Variants in ITGA6 observed in about 807,000 individuals in gnomAD.
ITGA6 encodes the protein integrin alpha-6.
Under a neutral mutation model 133.6 loss-of-function variants are expected in ITGA6, and 63 were observed. The observed-to-expected ratio is 0.47, with a 90% CI of 0.38 to 0.58. ITGA6 has a LOEUF of 0.58. Among genes scored for constraint, ITGA6 ranks in the 20% least tolerant of loss-of-function variants. The pLI is 0.00. For missense variants in ITGA6, 1,068 were observed against 1,309.4 expected (o/e 0.82, Z 2.85); for synonymous variants, 434 against 482.0 (o/e 0.90, Z 1.30).
At chr2:172,480,407 A>C (rs1434743808) in intron 11 of ITGA6, among the ~76,000 whole-genome samples, 1 of 152,058 alleles carries the variant, frequency 6.6e-6, no homozygotes, top group Non-Finnish European at 1.5e-5. Flanking sequence ...GGTGGTTGTG[A>C]GGTGGTGGGT....
At chr2:172,445,586 T>C (rs1440464539) in intron 1 of ITGA6, among the ~76,000 whole-genome samples, 3 of 149,924 alleles carry the variant, frequency 2.0e-5, no homozygotes, top group African/African-American at 7.3e-5. Flanking sequence ...GAGGCGGAGC[T>C]TGCAGTGAGC....
chr2:172,497,650 T>G (rs1687184419), intron 23 of ITGA6, among the ~76,000 whole-genome samples: 1 of 152,212 alleles, frequency 6.6e-6, no homozygotes, highest in South Asian at 2.1e-4. Flanking sequence ...TGATAATTGC[T>G]GGAACAGGAT....
At chr2:172,438,826 T>C (rs1559114554) in intron 1 of ITGA6, among the ~76,000 whole-genome samples, 1 of 151,866 alleles carries the variant, frequency 6.6e-6, no homozygotes, top group Non-Finnish European at 1.5e-5. Flanking sequence ...AGTTTCCCTA[T>C]GGAAGACTAC....
intron 1 of ITGA6, among the ~76,000 whole-genome samples, chr2:172,432,433 C>G (rs1684140533): frequency 6.6e-6 from 1 of 152,202 alleles, no homozygotes; most frequent in Admixed American, 6.5e-5. Context: ...CTGCTAGCAC[C>G]TAGCATATGC....
In ITGA6 at chr2:172,427,793, C is replaced by G; in HGVS notation, c.5C>G (p.Ala2Gly). Residue 2 changes from alanine to glycine, a missense_variant, in exon 1 of 26, where the codon GCC (alanine) becomes GGC (glycine). By Grantham distance (60) the Ala-to-Gly change is moderately conservative. This residue lies in a region of ITGA6 where 142 missense variants were observed against 145.3 expected (regional missense o/e 0.98). Coordinates refer to ENST00000684293, the MANE Select transcript of ITGA6 (RefSeq NM_000210.4). M[A>G]AAGQLCLLYL... is the part of the protein sequence containing the mutation. ...CCCCTCCCCGTGCGTCCGCCCATGG[C>G]CGCCGCCGGGCAGCTGTGCTTGCTC... The G allele has an allele frequency of 6.3e-7, 1 of 1,593,152 alleles. No homozygotes were observed. The highest frequency in any genetic ancestry group is 8.5e-7 in the Non-Finnish European group (1 of 1,171,426).
intron 1 of ITGA6, among the ~76,000 whole-genome samples, chr2:172,459,748 G>T (rs764045071): frequency 1.3e-5 from 2 of 152,180 alleles, no homozygotes; most frequent in African/African-American, 4.8e-5. Flanking sequence ...TTCAAACAAG[G>T]GGGAACATCA....
intron 5 of ITGA6, chr2:172,472,938 TA>T (rs2149046150): frequency 1.6e-6 from 2 of 1,255,216 alleles, no homozygotes; most frequent in Admixed American, 1.7e-5. Flanking sequence ...TTGTGGTCAT[TA>T]AATTTTTTTT....
chr2:172,487,030 T>G lies in ITGA6; in HGVS notation c.1862T>G (p.Phe621Cys). Residue 621 changes from phenylalanine (F) to cysteine (C), a missense_variant, in exon 14 of 26, where the codon TTC (phenylalanine) becomes TGC (cysteine). Transcript: ENST00000684293. Reference protein sequence around the residue: ...EPKTAHIDVHFLKEGCGDDNV... With the variant: ...EPKTAHIDVHCLKEGCGDDNV... ...GTTTTCGTTTTCCTACAGGTTCACT[T>G]CTTAAAAGAGGGATGTGGAGACGAC... The G allele has an allele frequency of 6.3e-7, 1 of 1,597,358 alleles. No individual in the cohort carries two copies. Among genetic ancestry groups the G allele is most frequent in the Non-Finnish European group, 8.6e-7 (1 of 1,164,852 alleles).
chr2:172,438,666 A>C (rs1157437989), intron 1 of ITGA6, among the ~76,000 whole-genome samples: 1 of 151,916 alleles, frequency 6.6e-6, no homozygotes, highest in Non-Finnish European at 1.5e-5. Flanking sequence ...AGTGCCCGGC[A>C]TATCCAATCA....
intron 1 of ITGA6, among the ~76,000 whole-genome samples, chr2:172,432,986 C>T (rs1414681116): frequency 2.0e-5 from 3 of 152,116 alleles, no homozygotes; most frequent in South Asian, 4.1e-4. Context: ...TTAACTCTTT[C>T]GGTAGGATGG....
chr2:172,462,797 T>C (rs912768961), intron 1 of ITGA6, among the ~76,000 whole-genome samples: 1 of 152,200 alleles, frequency 6.6e-6, no homozygotes, highest in Non-Finnish European at 1.5e-5. Flanking sequence ...CACAGCAGGC[T>C]ACAGAAGCCT....
At chr2:172,480,707 G>A (rs1436278647) in intron 11 of ITGA6, 8 of 153,422 alleles carry the variant, frequency 5.2e-5, no homozygotes, top group African/African-American at 1.9e-4. Flanking sequence ...GCATACAGTT[G>A]TGCTGGAGAT....
chr2:172,489,842 A>C (rs893140976), intron 20 of ITGA6, 184 bp downstream of exon 20: 1 of 600,860 alleles, frequency 1.7e-6, no homozygotes. Context: ...TTTGCTGGTT[A>C]ATGACCATTA....
chr2:172,428,830 T>C (rs1028639463), intron 1 of ITGA6, among the ~76,000 whole-genome samples: 1 of 152,242 alleles, frequency 6.6e-6, no homozygotes, highest in African/African-American at 2.4e-5. Flanking sequence ...TACTGGCCTC[T>C]CCTTTTATTT....
intron 14 of ITGA6, 52 bp from the exon 15 acceptor site, chr2:172,487,212 G>C: frequency 6.4e-7 from 1 of 1,551,134 alleles, no homozygotes; most frequent in Non-Finnish European, 8.9e-7. Flanking sequence ...AAGTTTACTG[G>C]AAACGTATTG....
At chr2:172,458,525 T>C (rs529287564) in intron 1 of ITGA6, among the ~76,000 whole-genome samples, 157 of 152,184 alleles carry the variant, frequency 1.0e-3, no homozygotes, top group Non-Finnish European at 1.7e-3. Context: ...CTGTCCTCAT[T>C]CTGGCATTTG....
At chr2:172,468,640 A>G (rs1685785053) in intron 3 of ITGA6, among the ~76,000 whole-genome samples, 1 of 152,154 alleles carries the variant, frequency 6.6e-6, no homozygotes, top group Admixed American at 6.5e-5. Context: ...ATTACAAGGA[A>G]ATAGTGTGGG....
At chr2:172,470,004 G>T (rs1302579530) in intron 4 of ITGA6, among the ~76,000 whole-genome samples, 1 of 152,138 alleles carries the variant, frequency 6.6e-6, no homozygotes, top group Non-Finnish European at 1.5e-5. Context: ...GACTGTGTAT[G>T]TATAGAAAAT....
At chr2:172,470,816 A>G (rs531951662) in intron 4 of ITGA6, among the ~76,000 whole-genome samples, 158 bp from the exon 5 acceptor site, 1 of 152,298 alleles carries the variant, frequency 6.6e-6, no homozygotes, top group African/African-American at 2.4e-5. Context: ...ACACAAATGT[A>G]TTTTACAACC....
Sources: gnomAD v4.1 joint callset for allele counts (sites outside exome capture counted in the v4.1 genomes callset) on GRCh38, gnomAD v4.1.1 for gene constraint, gnomAD v4.1.1 regional missense constraint, MANE v1.5 for transcripts, NCBI Gene and HGNC (gene_info 2026-07-23, HGNC 2026-07-21) for gene names.